The following SNX29 variants were observed in gnomAD, a reference collection of about 807,000 sequenced individuals.
The protein encoded by SNX29 is sorting nexin 29.
Under a neutral mutation model 102.1 loss-of-function variants are expected in SNX29, and 78 were observed. The observed-to-expected ratio is 0.76, with a 90% confidence interval of 0.64 to 0.92. The LOEUF (loss-of-function observed/expected upper bound fraction) is 0.92, where lower values mean the gene tolerates loss of function less well. SNX29 is among the 40% of genes least tolerant of loss of function. SNX29 has a pLI of 0.00. For synonymous variants in SNX29, 580 were observed against 414.5 expected (o/e 1.40, Z -4.85); for missense variants, 1,280 against 1,061.7 (o/e 1.21, Z -2.86).
At position 12,574,169 on chromosome 16, in the gene SNX29, T is replaced by C. The variant is rs929304701; in HGVS notation, c.*5540T>C. On this transcript the variant is annotated 3_prime_UTR_variant, in exon 21 of 21. Coordinates refer to ENST00000566228, the MANE Select transcript of SNX29 (RefSeq NM_032167.5). ...AACAAATGTGTTTAATTTTTTAAGATCTCTTGTATTAAAATTTTCTTTTGG... is the reference window on the plus strand; with the variant it reads ...AACAAATGTGTTTAATTTTTTAAGACCTCTTGTATTAAAATTTTCTTTTGG... 4.4e-5 allele frequency: 8 copies of C among 180,234 alleles called. No homozygotes were observed. Among genetic ancestry groups the C allele is most frequent in the African/African-American group, 1.9e-4 (8 of 42,388 alleles). 11.2% of individuals were successfully genotyped at this position (180,234 alleles called of 1,614,324 possible). A position where few individuals can be genotyped will look rare whatever the true frequency, so the allele number is the denominator to read the frequency against.
At chr16:12,235,349 T>G (rs1453040883) in intron 14 of SNX29, among the ~76,000 whole-genome samples, 1 of 152,162 alleles carries the variant, frequency 6.6e-6, no homozygotes. Context: ...CAGCTTGCTG[T>G]GTATGAGGCT....
intron 8 of SNX29, chr16:12,053,346 T>C (rs2050386579): frequency 6.7e-6 from 1 of 149,828 alleles, no homozygotes; most frequent in Admixed American, 6.7e-5. Context: ...CCTCTTAGGC[T>C]TTGTGGTGCG....
intron 20 of SNX29, among the ~76,000 whole-genome samples, chr16:12,554,930 G>A (rs1434120015): frequency 1.3e-5 from 2 of 151,948 alleles, no homozygotes; most frequent in African/African-American, 4.8e-5. Flanking sequence ...GAGGAGGGCA[G>A]CAAGCACGGC....
intron 3 of SNX29, among the ~76,000 whole-genome samples, chr16:12,014,298 T>G (rs2056775535): frequency 6.6e-6 from 1 of 152,156 alleles, no homozygotes; most frequent in South Asian, 2.1e-4. Context: ...TGCAGCAGAT[T>G]CCTTCTCAGT....
chr16:12,568,323 A>AAAAAT (rs1449808618), intron 20 of SNX29, among the ~76,000 whole-genome samples, 183 bp from the exon 21 acceptor site: 3 of 150,292 alleles, frequency 2.0e-5, no homozygotes, highest in South Asian at 2.1e-4. Context: ...AAAAATGGAA[A>AAAAAT]GGTTTACGTG....
At chr16:12,099,009 TG>T (rs2052890936) in intron 11 of SNX29, among the ~76,000 whole-genome samples, 1 of 151,604 alleles carries the variant, frequency 6.6e-6, no homozygotes, top group African/African-American at 2.4e-5. Flanking sequence ...AACTGGGGAG[TG>T]GGGACCTACT....
At chr16:12,161,145 G>A (rs571395360) in intron 13 of SNX29, among the ~76,000 whole-genome samples, 4 of 152,266 alleles carry the variant, frequency 2.6e-5, no homozygotes, top group East Asian at 3.9e-4. Flanking sequence ...ACCTCGTCAC[G>A]TTCTGCGGTT....
At chr16:12,366,551 C>G (rs886861573) in intron 16 of SNX29, among the ~76,000 whole-genome samples, 1 of 152,138 alleles carries the variant, frequency 6.6e-6, no homozygotes, top group Non-Finnish European at 1.5e-5. Flanking sequence ...GTGCAGTGGG[C>G]CTGCCTGTGT....
intron 18 of SNX29, among the ~76,000 whole-genome samples, chr16:12,403,981 G>A (rs1005397114): frequency 2.0e-5 from 3 of 152,188 alleles, no homozygotes; most frequent in African/African-American, 7.2e-5. Flanking sequence ...CAGCCTGGAA[G>A]GGCGGGTCTC....
chr16:12,552,187 C>A (rs187146275), intron 20 of SNX29, among the ~76,000 whole-genome samples: 9 of 152,186 alleles, frequency 5.9e-5, no homozygotes, highest in African/African-American at 9.7e-5. Flanking sequence ...AGGGAAACAA[C>A]GGCAGATAAG....
intron 20 of SNX29, chr16:12,545,581 C>T (rs2301219): frequency 6.6e-6 from 1 of 152,144 alleles, no homozygotes; most frequent in African/African-American, 2.4e-5. Context: ...TGGAGGAACC[C>T]ATTTCCTCTG....
intron 20 of SNX29, chr16:12,546,380 T>G (rs1254647356): frequency 4.0e-5 from 6 of 150,128 alleles, no homozygotes; most frequent in African/African-American, 1.5e-4. Context: ...ACAATCACCG[T>G]GGAAGGCAAG....
At position 12,477,742 on chromosome 16, in the gene SNX29, T is replaced by C. The variant is rs747205819; in HGVS notation, c.2061T>C (p.Asp687=). ...VYQVYIRIKD[D]EWNIYRRYTE... ...AGGTCTACATCCGGATAAAAGACGATGAATGGAATATTTATCGCCGGTATA... is the reference window on the plus strand; with the variant it reads ...AGGTCTACATCCGGATAAAAGACGACGAATGGAATATTTATCGCCGGTATA... The change falls in exon 19 of 21, where the codon GAT becomes GAC. Residue 687 remains aspartate (D), a synonymous_variant. Transcript: ENST00000566228. 5.0e-6 allele frequency: 8 copies of C among 1,612,690 alleles called. No individual in the cohort carries two copies. The South Asian group carries it at 5.5e-5, about 11-fold the overall frequency.
intron 14 of SNX29, among the ~76,000 whole-genome samples, chr16:12,219,256 ATCT>A (rs2077411265): frequency 6.8e-6 from 1 of 146,390 alleles, no homozygotes. Flanking sequence ...GATCTACATC[ATCT>A]TTTTTTTTTT....
rs183009712 is a variant in SNX29 at position 12,323,667 on chromosome 16, T to C, written c.1783-32496T>C. Among the ~76,000 whole-genome samples, 72 of 152,260 alleles carry C rather than the reference T, an allele frequency of 4.7e-4. 2 individuals are homozygous for C. The highest frequency in any genetic ancestry group is 1.6e-3 in the African/African-American group (67 of 41,570). Reference sequence around the variant, plus strand: ...ATCCAGGCACCACAGAAAACCATCTTGGTTTCCGAGTTCCATGCTTGGGGA... The same window carrying C: ...ATCCAGGCACCACAGAAAACCATCTCGGTTTCCGAGTTCCATGCTTGGGGA... On this transcript the variant is annotated intron_variant, in intron 15 of 20. Coordinates refer to ENST00000566228, the MANE Select transcript of SNX29 (RefSeq NM_032167.5).
At chr16:12,489,772 C>G (rs774649355) in intron 19 of SNX29, among the ~76,000 whole-genome samples, 23 of 152,232 alleles carry the variant, frequency 1.5e-4, no homozygotes, top group Non-Finnish European at 2.9e-4. Flanking sequence ...TTCTTCCTCC[C>G]CCGTTCACTT....
At chr16:12,559,085 C>G (rs575820116) in intron 20 of SNX29, among the ~76,000 whole-genome samples, 1 of 152,154 alleles carries the variant, frequency 6.6e-6, no homozygotes, top group Non-Finnish European at 1.5e-5. Flanking sequence ...TGTCCCCGTG[C>G]TCCTTAGTCT....
At chr16:12,403,058 C>G (rs1477588640) in intron 17 of SNX29, among the ~76,000 whole-genome samples, 3 of 152,242 alleles carry the variant, frequency 2.0e-5, no homozygotes, top group African/African-American at 7.2e-5. Flanking sequence ...TGTGTGTGAC[C>G]TCCTGTGATC....
intron 16 of SNX29, among the ~76,000 whole-genome samples, chr16:12,356,581 A>T (rs1043347366): frequency 6.6e-6 from 1 of 152,204 alleles, no homozygotes. Flanking sequence ...GTAAATTTCC[A>T]TGAGCAGTAA....
Sources: gnomAD v4.1 joint callset for allele counts (sites outside exome capture counted in the v4.1 genomes callset) on GRCh38, gnomAD v4.1.1 for gene constraint, MANE v1.5 for transcripts, NCBI Gene and HGNC (gene_info 2026-07-23, HGNC 2026-07-21) for gene names.